Variants in LMBR1 observed in about 807,000 individuals in gnomAD.
LMBR1 encodes the protein limb region 1 protein homolog.
Under a neutral mutation model 73.9 loss-of-function variants are expected in LMBR1, and 52 were observed. The observed-to-expected ratio is 0.70, with a 90% CI of 0.56 to 0.89. LMBR1 has a LOEUF of 0.89. Ranked by LOEUF, LMBR1 falls within the 40% of genes least tolerant of loss-of-function variation. The probability of loss-of-function intolerance (pLI) is 0.00; values close to 1 mark genes in which losing one functional copy is unlikely to be tolerated. For missense variants in LMBR1, 539 were observed against 579.8 expected (o/e 0.93, Z 0.72); for synonymous variants, 215 against 209.4 (o/e 1.03, Z -0.23).
At chr7:156,862,450 C>A (rs1235360681) in intron 1 of LMBR1, among the ~76,000 whole-genome samples, 1 of 151,136 alleles carries the variant, frequency 6.6e-6, no homozygotes, top group Admixed American at 6.6e-5. Flanking sequence ...GGATCATACA[C>A]CTAAATGTAA....
chr7:156,764,352 T>C (rs1389911928), intron 5 of LMBR1, among the ~76,000 whole-genome samples: 1 of 152,202 alleles, frequency 6.6e-6, no homozygotes, highest in Admixed American at 6.5e-5. Context: ...TTTCTTCACA[T>C]TATATAGAAT....
At chr7:156,693,131 T>G (rs1298269537) in intron 15 of LMBR1, among the ~76,000 whole-genome samples, 10 of 152,156 alleles carry the variant, frequency 6.6e-5, no homozygotes, top group Non-Finnish European at 2.9e-5. Flanking sequence ...AAATGTCTTA[T>G]GTACTTGTGA....
chr7:156,686,292 A>T (rs1489113269), intron 16 of LMBR1, among the ~76,000 whole-genome samples: 1 of 152,182 alleles, frequency 6.6e-6, no homozygotes, highest in Admixed American at 6.5e-5. Context: ...CACCACAGCT[A>T]AATTTCTAGT....
intron 4 of LMBR1, among the ~76,000 whole-genome samples, chr7:156,671,042 G>C (rs1802373871): frequency 6.6e-6 from 1 of 152,080 alleles, no homozygotes; most frequent in Admixed American, 6.5e-5. Context: ...ATTGGTTCGA[G>C]GGATAAAAAT....
downstream of LMBR1, among the ~76,000 whole-genome samples, chr7:156,675,379 G>C (rs555241798): frequency 6.6e-6 from 1 of 152,296 alleles, no homozygotes; most frequent in South Asian, 2.1e-4. Context: ...GAGGTCAGAC[G>C]GTCCCTCCTG....
At chr7:156,810,515 C>T (rs1832912349) in intron 4 of LMBR1, among the ~76,000 whole-genome samples, 1 of 152,176 alleles carries the variant, frequency 6.6e-6, no homozygotes, top group South Asian at 2.1e-4. Context: ...GCCTCAGCCT[C>T]CCGAGTAGCT....
Position 156,734,243 on chromosome 7 carries a change from C to T in LMBR1, c.772G>A (p.Val258Met). The T allele has an allele frequency of 6.2e-7, 1 of 1,609,726 alleles. No individual in the cohort carries two copies. The highest frequency in any genetic ancestry group is 8.5e-7 in the Non-Finnish European group (1 of 1,178,430). ...TCCAACTCCATTATGTTGTATTCCACCGATGAAGACAGCCCTGTTCAAAGC... is the reference window on the plus strand; with the variant it reads ...TCCAACTCCATTATGTTGTATTCCATCGATGAAGACAGCCCTGTTCAAAGC... ...QRRLNGLSSS[V>M]EYNIMELEQE... The change falls in exon 10 of 17, where the codon GTG (valine) becomes ATG (methionine). Residue 258 changes from valine (V) to methionine (M), a missense_variant. Coordinates refer to ENST00000353442, the MANE Select transcript of LMBR1 (RefSeq NM_022458.4).
At chr7:156,671,406 T>C (rs1034767923) in intron 4 of LMBR1, among the ~76,000 whole-genome samples, 2 of 152,216 alleles carry the variant, frequency 1.3e-5, no homozygotes, top group Non-Finnish European at 2.9e-5. Flanking sequence ...GCTGATGTGC[T>C]GATACCTGAC....
chr7:156,820,086 T>C (rs1360490390), intron 4 of LMBR1, among the ~76,000 whole-genome samples: 2 of 152,222 alleles, frequency 1.3e-5, no homozygotes, highest in Non-Finnish European at 2.9e-5. Context: ...TCGATTCTTA[T>C]CTGGTCTGTG....
At chr7:156,814,656 T>A (rs2133659273) in intron 4 of LMBR1, among the ~76,000 whole-genome samples, 1 of 152,354 alleles carries the variant, frequency 6.6e-6, no homozygotes, top group East Asian at 1.9e-4. Flanking sequence ...GATAGCTAAG[T>A]GCGTAGCACT....
chr7:156,889,339 T>C (rs140553955), intron 1 of LMBR1, among the ~76,000 whole-genome samples: 11 of 149,478 alleles, frequency 7.4e-5, no homozygotes, highest in African/African-American at 2.5e-4. Flanking sequence ...CTGAACTGTA[T>C]ATTTAGATAT....
chr7:156,686,389 AAAAG>A (rs954191408), intron 16 of LMBR1, among the ~76,000 whole-genome samples: 195 of 152,320 alleles, frequency 1.3e-3, no homozygotes, highest in African/African-American at 4.4e-3. Flanking sequence ...TCTACAAAAA[AAAAG>A]AAAGAAAGGG....
rs375609823 is a variant in LMBR1, at chr7:156,702,187, G to A, written c.1226-13996C>T. 3.9e-5 allele frequency among the ~76,000 whole-genome samples: 6 copies of A among 152,254 alleles called. No individual in the cohort carries two copies. The East Asian group carries it at 7.7e-4, about 20-fold the overall frequency. On this transcript the variant is annotated intron_variant, in intron 15 of 16. Coordinates refer to ENST00000353442, the MANE Select transcript of LMBR1 (RefSeq NM_022458.4). ...ATGGTATTTCTGGTTCTAGGTCTTT[G>A]GGGAATCGCCACACTGTCTTCCACA...
At chr7:156,766,773 G>A (rs2132985464) in intron 5 of LMBR1, among the ~76,000 whole-genome samples, 1 of 152,260 alleles carries the variant, frequency 6.6e-6, no homozygotes, top group African/African-American at 2.4e-5. Context: ...GGTAAGCAGT[G>A]AGGCTGAGCC....
chr7:156,859,070 A>G (rs994859425), intron 1 of LMBR1, among the ~76,000 whole-genome samples: 8 of 152,156 alleles, frequency 5.3e-5, no homozygotes, highest in Non-Finnish European at 8.8e-5. Flanking sequence ...CCTGATCAAC[A>G]TAAAGAAACT....
At chr7:156,843,395 A>G (rs1009341380) in intron 1 of LMBR1, among the ~76,000 whole-genome samples, 6 of 152,194 alleles carry the variant, frequency 3.9e-5, no homozygotes, top group African/African-American at 1.2e-4. Context: ...GATGGACAGG[A>G]GAAACAAAGA....
intron 4 of LMBR1, among the ~76,000 whole-genome samples, chr7:156,809,201 T>A (rs982001179): frequency 3.3e-5 from 5 of 152,224 alleles, no homozygotes; most frequent in Admixed American, 3.3e-4. Flanking sequence ...TCCTACCACA[T>A]GAAGGACAAC....
At chr7:156,725,641 G>T in intron 13 of LMBR1, 116 bp from the exon 14 acceptor site, 1 of 1,202,048 alleles carries the variant, frequency 8.3e-7, no homozygotes, top group Non-Finnish European at 1.2e-6. Flanking sequence ...CGCTTTAAGT[G>T]CTTGAGGAAG....
Position 156,725,822 on chromosome 7 carries a change from T to G in LMBR1, c.1009A>C (p.Asn337His). ...AAACCAAACGTAGAAAGAGAGGCAT[T>G]TCCTATTCCAGGCCCCTGGGGTGGG... ...PKGTRGPGIG[N>H]ASLSTFGFVG... Residue 337 changes from asparagine (N) to histidine (H), a missense_variant, in exon 13 of 17, where the codon AAT (asparagine) becomes CAT (histidine). Around this residue, in one of 3 missense-constraint regions of LMBR1, gnomAD observed 454 missense variants for 473.4 expected, o/e 0.96. Coordinates refer to ENST00000353442, the MANE Select transcript of LMBR1 (RefSeq NM_022458.4). The G allele has an allele frequency of 6.2e-7, 1 of 1,613,520 alleles. No individual in the cohort carries two copies. Among genetic ancestry groups the G allele is most frequent in the Non-Finnish European group, 8.5e-7 (1 of 1,179,662 alleles).
Sources: allele counts gnomAD v4.1 joint callset (sites outside exome capture counted in the v4.1 genomes callset), GRCh38; gene constraint gnomAD v4.1.1; regional missense constraint gnomAD v4.1.1; transcripts MANE v1.5; gene names NCBI Gene and HGNC (gene_info 2026-07-23, HGNC 2026-07-21).